Variants in DLG2 observed in about 807,000 individuals in gnomAD.
DLG2 encodes discs large MAGUK scaffold protein 2, also known as disks large homolog 2.
A neutral mutation model predicts 132.5 loss-of-function variants in DLG2; 45 were observed. That is an observed-to-expected ratio of 0.34 (90% CI 0.27 to 0.44). DLG2 has a LOEUF of 0.44. DLG2 is among the 20% of genes least tolerant of loss of function. The probability of loss-of-function intolerance (pLI) is 1.00; values close to 1 mark genes in which losing one functional copy is unlikely to be tolerated. For missense variants in DLG2, 1,045 were observed against 1,196.9 expected, an observed-to-expected ratio of 0.87 and a Z score of 1.87; for synonymous variants, 424 against 419.6, an observed-to-expected ratio of 1.01 and a Z score of -0.13.
chr11:84,865,569 G>A (rs1390161749), intron 6 of DLG2, among the ~76,000 whole-genome samples: 1 of 152,124 alleles, frequency 6.6e-6, no homozygotes, highest in East Asian at 1.9e-4. Context: ...AATTCTAAAT[G>A]TAGCCAAAAA....
intron 21 of DLG2, among the ~76,000 whole-genome samples, chr11:83,513,189 C>A (rs1209967108): frequency 1.3e-5 from 2 of 152,198 alleles, no homozygotes; most frequent in African/African-American, 2.4e-5. Flanking sequence ...TCCTCTCCAG[C>A]ACCTGTTGTT....
At chr11:84,718,485 G>A (rs2061460122) in intron 6 of DLG2, among the ~76,000 whole-genome samples, 1 of 152,020 alleles carries the variant, frequency 6.6e-6, no homozygotes. Context: ...GAAAGTTAGG[G>A]GAAAACCTAA....
chr11:85,516,951 G>A (rs976689539), intron 3 of DLG2, among the ~76,000 whole-genome samples: 38 of 151,752 alleles, frequency 2.5e-4, no homozygotes, highest in East Asian at 1.2e-3. Flanking sequence ...GATATGAAAG[G>A]CAGGCAAAAA....
intron 7 of DLG2, among the ~76,000 whole-genome samples, chr11:84,292,887 T>TA (rs1300925262): frequency 6.6e-6 from 1 of 152,022 alleles, no homozygotes; most frequent in East Asian, 1.9e-4. Context: ...TAAAATACAA[T>TA]AAAACTAACA....
intron 8 of DLG2, among the ~76,000 whole-genome samples, chr11:84,179,700 C>T (rs1425231877): frequency 1.3e-5 from 2 of 152,098 alleles, no homozygotes; most frequent in African/African-American, 2.4e-5. Flanking sequence ...TTAATAAGGG[C>T]TTCTCTCAGG....
intron 6 of DLG2, among the ~76,000 whole-genome samples, chr11:84,666,051 A>T (rs574715938): frequency 6.6e-6 from 1 of 152,278 alleles, no homozygotes; most frequent in East Asian, 1.9e-4. Flanking sequence ...CATCACTAGG[A>T]ATTCGGCTAA....
Position 85,584,217 on chromosome 11 carries a change from T to C in DLG2, c.40+14440A>G, listed in dbSNP as rs908543266. ...TAGCTTGGTTCCCACTTATAAATGA[T>C]AACATACAATGTTTGGTTTTCCATT... On this transcript the variant is annotated intron_variant, in intron 3 of 27. Coordinates refer to ENST00000376104, the MANE Select transcript of DLG2 (RefSeq NM_001142699.3). 2.6e-5 allele frequency among the ~76,000 whole-genome samples: 4 copies of C among 152,158 alleles called. No individual in the cohort carries two copies. In the East Asian group the frequency reaches 7.7e-4, roughly 29 times the overall value.
intron 21 of DLG2, among the ~76,000 whole-genome samples, chr11:83,508,413 T>TG: frequency 7.3e-6 from 1 of 136,842 alleles, no homozygotes; most frequent in East Asian, 2.0e-4. Context: ...ATTTTTTTTT[T>TG]TTTTTTTTTT....
At chr11:83,899,446 T>C (rs149719777) in intron 15 of DLG2, among the ~76,000 whole-genome samples, 201 of 152,358 alleles carry the variant, frequency 1.3e-3, no homozygotes, top group Admixed American at 2.1e-3. Context: ...ATTAGCTCTG[T>C]GTCCCCACCC....
chr11:84,075,305 T>C (rs1277858178), intron 10 of DLG2, among the ~76,000 whole-genome samples: 3 of 152,326 alleles, frequency 2.0e-5, no homozygotes, highest in African/African-American at 7.2e-5. Flanking sequence ...AGAAAATATA[T>C]TTGTATATTT....
At chr11:84,731,310 C>T (rs1325650432) in intron 6 of DLG2, among the ~76,000 whole-genome samples, 3 of 151,956 alleles carry the variant, frequency 2.0e-5, no homozygotes, top group Non-Finnish European at 4.4e-5. Flanking sequence ...AGGCCAAGTT[C>T]GGGATACAGT....
intron 7 of DLG2, among the ~76,000 whole-genome samples, chr11:84,471,094 A>T (rs910125281): frequency 6.6e-6 from 1 of 151,438 alleles, no homozygotes; most frequent in Non-Finnish European, 1.5e-5. Flanking sequence ...ATTTCTCTTC[A>T]CTGAGGGCCA....
chr11:84,345,289 G>A (rs756259176), intron 7 of DLG2, among the ~76,000 whole-genome samples: 1 of 152,134 alleles, frequency 6.6e-6, no homozygotes, highest in Non-Finnish European at 1.5e-5. Context: ...TTTGAAACCG[G>A]TATATTTGCA....
chr11:84,628,630 C>A (rs1040202249), intron 6 of DLG2, among the ~76,000 whole-genome samples: 1 of 152,148 alleles, frequency 6.6e-6, no homozygotes, highest in Non-Finnish European at 1.5e-5. Flanking sequence ...GGATATACTT[C>A]AAGTCTTTCT....
chr11:85,231,768 C>T (rs1378108824), intron 4 of DLG2, among the ~76,000 whole-genome samples: 2 of 151,874 alleles, frequency 1.3e-5, no homozygotes, highest in African/African-American at 4.8e-5. Flanking sequence ...TAGGCCTCCT[C>T]CAAACGCATG....
At chr11:84,070,424 G>T (rs974000966) in intron 10 of DLG2, among the ~76,000 whole-genome samples, 4 of 152,146 alleles carry the variant, frequency 2.6e-5, no homozygotes, top group Non-Finnish European at 5.9e-5. Flanking sequence ...GCAAATACAT[G>T]GCAGATTCTC....
chr11:84,384,694 A>G (rs1223483543), intron 7 of DLG2, among the ~76,000 whole-genome samples: 1 of 151,944 alleles, frequency 6.6e-6, no homozygotes, highest in Non-Finnish European at 1.5e-5. Flanking sequence ...ATAACTCCGA[A>G]ATGCATTCTC....
At position 84,625,778 on chromosome 11, in the gene DLG2, T is replaced by C. The variant is rs139406621; in HGVS notation, c.358-91047A>G. The stretch of plus-strand genomic sequence containing the variant: ...ATTCATGAACCTTGTATCTTTCTCA[T>C]GATGGGCCAGACTATAGTTTAACAT... On this transcript the variant is annotated intron_variant, in intron 6 of 27. Coordinates refer to ENST00000376104, the MANE Select transcript of DLG2 (RefSeq NM_001142699.3). Among the ~76,000 whole-genome samples, 352 of 152,310 alleles carry C rather than the reference T, an allele frequency of 2.3e-3. 2 individuals are homozygous for C. The highest frequency in any genetic ancestry group is 8.1e-3 in the African/African-American group (336 of 41,562).
At chr11:84,300,425 A>G (rs2098139058) in intron 7 of DLG2, among the ~76,000 whole-genome samples, 1 of 152,214 alleles carries the variant, frequency 6.6e-6, no homozygotes. Flanking sequence ...TTTCAGTGAC[A>G]AGAAAGACAG....
Sources: allele counts gnomAD v4.1 joint callset (sites outside exome capture counted in the v4.1 genomes callset), GRCh38; gene constraint gnomAD v4.1.1; transcripts MANE v1.5; gene names NCBI Gene and HGNC (gene_info 2026-07-23, HGNC 2026-07-21).